UBA2: variants seen among roughly 807,000 people sequenced by gnomAD.
UBA2 encodes SUMO-activating enzyme subunit 2.
Under a neutral mutation model 77.2 loss-of-function variants are expected in UBA2, and 11 were observed. That is an observed-to-expected ratio of 0.14 (90% CI 0.09 to 0.24). The LOEUF is 0.24. Among genes scored for constraint, UBA2 ranks in the 10% least tolerant of loss-of-function variants. UBA2 has a pLI of 1.00. For missense variants in UBA2, 487 were observed against 781.7 expected, an observed-to-expected ratio of 0.62 and a Z score of 4.50; for synonymous variants, 278 against 276.7, an observed-to-expected ratio of 1.00 and a Z score of -0.05.
intron 6 of UBA2, among the ~76,000 whole-genome samples, chr19:34,440,597 A>T (rs1356173935): frequency 6.6e-6 from 1 of 152,162 alleles, no homozygotes; most frequent in Non-Finnish European, 1.5e-5. Flanking sequence ...TCAGTCTCAC[A>T]CCTAAATAAT....
chr19:34,444,080 G>A (rs1284654470), intron 7 of UBA2, among the ~76,000 whole-genome samples, 169 bp downstream of exon 7: 3 of 123,842 alleles, frequency 2.4e-5, no homozygotes, highest in Non-Finnish European at 4.9e-5. Context: ...TCTCAGAGGT[G>A]GAGTTTCTCT....
rs990082089 is a variant in UBA2 at position 34,442,692 on chromosome 19, A to G, written c.582-1152A>G. 2.6e-5 allele frequency among the ~76,000 whole-genome samples: 4 copies of G among 152,314 alleles called. No individual in the cohort carries two copies. In the South Asian group the frequency reaches 6.2e-4, roughly 24 times the overall value. On this transcript the variant is annotated intron_variant, in intron 6 of 16. Coordinates refer to ENST00000246548, the MANE Select transcript of UBA2 (RefSeq NM_005499.3). ...TTGATCCACCCGCCTCGGCCTCCCA[A>G]AGTGTTGGGATTACACATGTGAGCC...
intron 10 of UBA2, among the ~76,000 whole-genome samples, chr19:34,453,408 C>G (rs1177818736): frequency 2.0e-5 from 3 of 151,760 alleles, no homozygotes; most frequent in African/African-American, 7.3e-5. Context: ...GATTGTATTG[C>G]CTTATTTGAA....
intron 7 of UBA2, among the ~76,000 whole-genome samples, chr19:34,444,781 T>C (rs1301737605): frequency 2.0e-5 from 3 of 152,222 alleles, no homozygotes; most frequent in Admixed American, 6.5e-5. Flanking sequence ...CACTCCAGCC[T>C]GGGCAACAGA....
chr19:34,432,559 T>TG lies in UBA2; in HGVS notation c.293+629dup, dbSNP rs946434308. ...TCAGGGCATTTGTATCTCCGGATTG[T>TG]GTTTTTTTTGTGTGTGAGATAGGGT... On this transcript the variant is annotated intron_variant, in intron 3 of 16. Transcript: ENST00000246548. Among the ~76,000 whole-genome samples the TG allele has an allele frequency of 7.7e-5, 9 of 116,300 alleles. No individual in the cohort carries two copies. The East Asian group carries it at 1.0e-3, about 13-fold the overall frequency. The allele number at this position is 116,300 out of a possible 152,430, so 76.3% of individuals were successfully genotyped here.
chr19:34,466,298 TGCACTCTA>T (rs2075687267), intron 15 of UBA2, among the ~76,000 whole-genome samples: 4 of 152,132 alleles, frequency 2.6e-5, no homozygotes, highest in Admixed American at 2.6e-4. Context: ...ATCACGCTAC[TGCACTCTA>T]GCCTGGGTGA....
At chr19:34,446,589 C>A (rs1194110035) in intron 8 of UBA2, among the ~76,000 whole-genome samples, 12 of 151,008 alleles carry the variant, frequency 7.9e-5, no homozygotes. Context: ...ACAGATGTCA[C>A]ATGTTGACTT....
intron 8 of UBA2, among the ~76,000 whole-genome samples, chr19:34,445,769 G>T (rs535433581): frequency 6.6e-6 from 1 of 152,136 alleles, no homozygotes; most frequent in South Asian, 2.1e-4. Context: ...GCTCATATCT[G>T]CTATTAGCAG....
At chr19:34,465,529 C>T (rs956242713) in intron 15 of UBA2, among the ~76,000 whole-genome samples, 5 of 151,276 alleles carry the variant, frequency 3.3e-5, no homozygotes, top group African/African-American at 1.2e-4. Flanking sequence ...CCCAGCTACT[C>T]AGGAGGCTGA....
At chr19:34,460,636 C>T in intron 14 of UBA2, 70 bp downstream of exon 14, 1 of 1,116,402 alleles carries the variant, frequency 9.0e-7, no homozygotes, top group East Asian at 2.5e-5. Flanking sequence ...TTAGTTGATT[C>T]ATTTACTGTA....
At chr19:34,445,850 A>G (rs1047727150) in intron 8 of UBA2, among the ~76,000 whole-genome samples, 1 of 152,176 alleles carries the variant, frequency 6.6e-6, no homozygotes, top group African/African-American at 2.4e-5. Context: ...ATCCCTCTTC[A>G]TCAGTAGTAT....
chr19:34,454,426 C>A lies in UBA2; in HGVS notation c.1133-18C>A. On this transcript the variant is annotated intron_variant, in intron 11 of 16. Coordinates refer to ENST00000246548, the MANE Select transcript of UBA2 (RefSeq NM_005499.3). ...TTTTAAACAGTGAAACATACTCATC[C>A]TTTTTTTTTTTTCCCAGCAATGGCA... 8.1e-7 allele frequency: 1 copy of A among 1,236,942 alleles called. No individual in the cohort carries two copies. The highest frequency in any genetic ancestry group is 1.1e-6 in the Non-Finnish European group (1 of 893,934). The allele number at this position is 1,236,942 out of a possible 1,614,324, so 76.6% of individuals were successfully genotyped here. A position where few individuals can be genotyped will look rare whatever the true frequency, so the allele number is the denominator to read the frequency against.
intron 7 of UBA2, 130 bp downstream of exon 7, chr19:34,444,041 T>G (rs961451185): frequency 1.1e-5 from 4 of 369,116 alleles, no homozygotes; most frequent in Non-Finnish European, 9.5e-6. Context: ...GTGTTTTTTT[T>G]TTGTTTTTTT....
At chr19:34,430,538 A>T (rs202028900) in intron 1 of UBA2, 38 bp from the exon 2 acceptor site, 1 of 1,480,830 alleles carries the variant, frequency 6.8e-7, no homozygotes, top group East Asian at 2.3e-5. Flanking sequence ...AAACATACGT[A>T]AACGTTTGTC....
At chr19:34,441,455 A>AAAAAAAT (rs1336360767) in intron 6 of UBA2, among the ~76,000 whole-genome samples, 1 of 148,718 alleles carries the variant, frequency 6.7e-6, no homozygotes, top group Non-Finnish European at 1.5e-5. Context: ...ACTCCGTCTC[A>AAAAAAAT]AAAAAATAAA....
chr19:34,428,942 A>T lies in UBA2; in HGVS notation c.138+372A>T, dbSNP rs545456617. ...AGTCCCTCGCGGATGTTGTGACTTT[A>T]ATTTTGAGGTCCCTGTCGTAACTCC... On this transcript the variant is annotated intron_variant, in intron 1 of 16. Coordinates refer to ENST00000246548, the MANE Select transcript of UBA2 (RefSeq NM_005499.3). 2.1e-5 allele frequency: 21 copies of T among 990,144 alleles called. No homozygotes were observed. In the South Asian group the frequency reaches 9.4e-4, roughly 44 times the overall value. The allele number at this position is 990,144 out of a possible 1,614,324, so 61.3% of individuals were successfully genotyped here.
intron 16 of UBA2, 94 bp from the exon 17 acceptor site, chr19:34,468,946 A>T: frequency 9.6e-7 from 1 of 1,038,956 alleles, no homozygotes; most frequent in Non-Finnish European, 1.4e-6. Flanking sequence ...GGTGTGTATT[A>T]GAAGAGTCAG....
chr19:34,446,672 T>C (rs1055508558), intron 8 of UBA2, among the ~76,000 whole-genome samples: 1 of 151,602 alleles, frequency 6.6e-6, no homozygotes, highest in African/African-American at 2.4e-5. Flanking sequence ...TGCAGTGGCA[T>C]GATCTCAGCT....
At chr19:34,428,720 G>T (rs991106429) in intron 1 of UBA2, 150 bp downstream of exon 1, 1 of 1,141,904 alleles carries the variant, frequency 8.8e-7, no homozygotes, top group Non-Finnish European at 1.1e-6. Flanking sequence ...CTCGGGTTGT[G>T]CCCCCCCCGC....
Sources: gnomAD v4.1 joint callset for allele counts (sites outside exome capture counted in the v4.1 genomes callset) on GRCh38, gnomAD v4.1.1 for gene constraint, MANE v1.5 for transcripts, NCBI Gene and HGNC (gene_info 2026-07-23, HGNC 2026-07-21) for gene names.